The following PLEKHH1 variants were observed in gnomAD, a reference collection of about 807,000 sequenced individuals.
PLEKHH1 encodes pleckstrin homology domain-containing family H member 1.
PLEKHH1 carries 104 observed loss-of-function variants against 160.0 expected under a neutral mutation model. That is an observed-to-expected ratio of 0.65 (90% confidence interval 0.55 to 0.76). PLEKHH1 has a LOEUF of 0.76. Among genes scored for constraint, PLEKHH1 ranks in the 30% least tolerant of loss-of-function variants. The probability of loss-of-function intolerance (pLI) is 0.00; values close to 1 mark genes in which losing one functional copy is unlikely to be tolerated. For synonymous variants in PLEKHH1, 619 were observed against 678.4 expected (o/e 0.91, Z 1.36); for missense variants, 1,427 against 1,724.1 (o/e 0.83, Z 3.05).
At chr14:67,552,159 A>G (rs1216300184) in intron 2 of PLEKHH1, among the ~76,000 whole-genome samples, 1 of 152,166 alleles carries the variant, frequency 6.6e-6, no homozygotes, top group Non-Finnish European at 1.5e-5. Context: ...GCAGCTGGTG[A>G]AAGTAGATCC....
chr14:67,552,814 A>G (rs954500693), intron 2 of PLEKHH1, among the ~76,000 whole-genome samples: 1 of 151,600 alleles, frequency 6.6e-6, no homozygotes, highest in Non-Finnish European at 1.5e-5. Flanking sequence ...GGTCGGCAGT[A>G]ATGAGGACCA....
intron 1 of PLEKHH1, among the ~76,000 whole-genome samples, chr14:67,537,573 G>T (rs2140311926): frequency 6.6e-6 from 1 of 152,030 alleles, no homozygotes; most frequent in South Asian, 2.1e-4. Context: ...GCTGAGGTGG[G>T]AGGGTCACCT....
chr14:67,562,111 T>C, intron 6 of PLEKHH1, 26 bp from the exon 7 acceptor site: 3 of 1,611,552 alleles, frequency 1.9e-6, no homozygotes, highest in Non-Finnish European at 2.5e-6. Flanking sequence ...GAGCTCTCAA[T>C]GTGACTGTTT....
chr14:67,554,661 A>G (rs2034524962), intron 2 of PLEKHH1, among the ~76,000 whole-genome samples: 1 of 152,202 alleles, frequency 6.6e-6, no homozygotes, highest in African/African-American at 2.4e-5. Context: ...TGGCAGGGGA[A>G]GAATGGGAGC....
Position 67,579,123 on chromosome 14 carries a change from C to CTGCT in PLEKHH1, c.2850-11_2850-10insTGCT. ...CAGAGCCCATAATACTCCCCTCTTC[C>CTGCT]GTCTTTTTAGAAGTGAAACTGGCCA... is the stretch of plus-strand genomic sequence containing the variant. On this transcript the variant is annotated splice_polypyrimidine_tract_variant and intron_variant, in intron 20 of 28. Coordinates refer to ENST00000329153, the MANE Select transcript of PLEKHH1 (RefSeq NM_020715.3). 1 of 1,594,572 alleles carries CTGCT rather than the reference C, an allele frequency of 6.3e-7. No individual in the cohort carries two copies. The highest frequency in any genetic ancestry group is 8.6e-7 in the Non-Finnish European group (1 of 1,168,332).
At chr14:67,553,928 G>A (rs1051116029) in intron 2 of PLEKHH1, among the ~76,000 whole-genome samples, 3 of 152,218 alleles carry the variant, frequency 2.0e-5, no homozygotes, top group African/African-American at 7.2e-5. Context: ...AAGAAGGGAT[G>A]TGGGTATCCT....
Position 67,562,000 on chromosome 14 carries a change from T to C in PLEKHH1, c.470T>C (p.Val157Ala). The C allele has an allele frequency of 6.2e-7, 1 of 1,613,736 alleles. No homozygotes were observed. Among genetic ancestry groups the C allele is most frequent in the Non-Finnish European group, 8.5e-7 (1 of 1,179,778 alleles). The change falls in exon 6 of 29, where the codon GTG becomes GCG. Residue 157 changes from valine to alanine, a missense_variant. By Grantham distance (64) the Val-to-Ala change is moderately conservative. Coordinates refer to ENST00000329153, the MANE Select transcript of PLEKHH1 (RefSeq NM_020715.3). The stretch of plus-strand genomic sequence containing the variant: ...CTGAAAAGCCATAATCAGCGCCTGG[T>C]GGAGCAGGTGGGATCCCTTCAAGAT... Reference protein sequence around the residue: ...QHLKSHNQRLVEQVGSLQDAL... With the variant: ...QHLKSHNQRLAEQVGSLQDAL...
intron 3 of PLEKHH1, among the ~76,000 whole-genome samples, chr14:67,556,195 G>A (rs544767727): frequency 3.3e-5 from 5 of 152,216 alleles, no homozygotes; most frequent in African/African-American, 4.8e-5. Context: ...CAGTGATTCC[G>A]CTTCCACAGT....
chr14:67,579,103 C>T, intron 20 of PLEKHH1, 31 bp from the exon 21 acceptor site: 1 of 1,474,752 alleles, frequency 6.8e-7, no homozygotes, highest in Non-Finnish European at 9.3e-7. Context: ...ATGAGCAGAG[C>T]CCATAATACT....
At chr14:67,577,827 G>A (rs1319921636) in intron 18 of PLEKHH1, among the ~76,000 whole-genome samples, 196 bp from the exon 19 acceptor site, 2 of 152,086 alleles carry the variant, frequency 1.3e-5, no homozygotes, top group African/African-American at 4.8e-5. Flanking sequence ...TTTTAAAAAG[G>A]AAACTTCTAT....
In PLEKHH1 at chr14:67,586,081, G is replaced by A. The variant is rs575092786; in HGVS notation, c.3917G>A (p.Arg1306Gln). 25 of 1,613,836 alleles carry A rather than the reference G, an allele frequency of 1.5e-5. 1 individual carries two copies. The highest frequency in any genetic ancestry group is 8.8e-5 in the South Asian group (8 of 91,080). ...GKSHIEKLIFRMAAPKIAEAT... is the reference protein window; with the variant it reads ...GKSHIEKLIFQMAAPKIAEAT... ...AGCCACATTGAGAAGTTGATCTTCC[G>A]GATGGCTGCTCCCAAGGTAGGTCTG... Residue 1306 changes from arginine to glutamine, a missense_variant, in exon 28 of 29, where the codon CGG (arginine) becomes CAG (glutamine). Arg to Gln is a conservative substitution (Grantham distance 43, BLOSUM62 1). Around this residue, in one of 6 missense-constraint regions of PLEKHH1, gnomAD observed 96 missense variants for 97.6 expected, o/e 0.98. Coordinates refer to ENST00000329153, the MANE Select transcript of PLEKHH1 (RefSeq NM_020715.3).
In PLEKHH1 at chr14:67,578,321, C is replaced by A; in HGVS notation, c.2751+122C>A. 2.3e-6 allele frequency: 2 copies of A among 856,948 alleles called. No homozygotes were observed. The highest frequency in any genetic ancestry group is 3.8e-6 in the Non-Finnish European group (2 of 532,920). 53.1% of individuals were successfully genotyped at this position (856,948 alleles called of 1,614,324 possible). A position where few individuals can be genotyped will look rare whatever the true frequency, so the allele number is the denominator to read the frequency against. On this transcript the variant is annotated intron_variant, in intron 19 of 28. Coordinates refer to ENST00000329153, the MANE Select transcript of PLEKHH1 (RefSeq NM_020715.3). This position sits in a 1 kb window ranked among gnomAD's most constrained non-coding sequence, Gnocchi z 5.0. ...GCCCAGCCAGCGGGCAGCCTCTGTG[C>A]TCCAAGCTGCATCAGTACGGCTGAG... is the stretch of plus-strand genomic sequence containing the variant.
intron 1 of PLEKHH1, among the ~76,000 whole-genome samples, chr14:67,537,349 T>TAATAATAAC (rs772579744): frequency 8.2e-6 from 1 of 121,460 alleles, no homozygotes; most frequent in East Asian, 2.2e-4. Flanking sequence ...ATCTCAAAAA[T>TAATAATAAC]AATAATAATA....
chr14:67,556,746 TATAC>T, intron 3 of PLEKHH1, among the ~76,000 whole-genome samples: 1 of 152,326 alleles, frequency 6.6e-6, no homozygotes, highest in African/African-American at 2.4e-5. Flanking sequence ...TAAATAAATA[TATAC>T]ATACATACAT....
At chr14:67,571,456 T>C in intron 9 of PLEKHH1, 1 of 332,026 alleles carries the variant, frequency 3.0e-6, no homozygotes, top group Non-Finnish European at 5.7e-6. Flanking sequence ...GTGGTGTAGC[T>C]TTCTGGCCCC....
intron 7 of PLEKHH1, 125 bp downstream of exon 7, chr14:67,563,019 C>T (rs1036284999): frequency 6.2e-6 from 6 of 972,508 alleles, no homozygotes; most frequent in Non-Finnish European, 8.9e-6. Context: ...CCCTGGCAGG[C>T]AGGTACCATG....
At chr14:67,547,707 G>A (rs1037043219) in intron 2 of PLEKHH1, among the ~76,000 whole-genome samples, 2 of 152,174 alleles carry the variant, frequency 1.3e-5, no homozygotes, top group African/African-American at 4.8e-5. Flanking sequence ...ACCTGCCTGT[G>A]GGCTGCGGAG....
chr14:67,560,183 A>C (rs1481829278), intron 5 of PLEKHH1, among the ~76,000 whole-genome samples: 1 of 151,978 alleles, frequency 6.6e-6, no homozygotes, highest in Non-Finnish European at 1.5e-5. Flanking sequence ...ACGCACCACC[A>C]TGCCCAGCTA....
chr14:67,540,363 C>T (rs1290097872), intron 1 of PLEKHH1, among the ~76,000 whole-genome samples: 1 of 152,126 alleles, frequency 6.6e-6, no homozygotes, highest in Non-Finnish European at 1.5e-5. Flanking sequence ...CAGTGGCTCA[C>T]ACCTGTAATC....
Sources: gnomAD v4.1 joint callset for allele counts (sites outside exome capture counted in the v4.1 genomes callset) on GRCh38, gnomAD v4.1.1 for gene constraint, gnomAD v4.1.1 regional missense constraint, Gnocchi (gnomAD v3.1) non-coding constraint, MANE v1.5 for transcripts, NCBI Gene and HGNC (gene_info 2026-07-23, HGNC 2026-07-21) for gene names.